The following FCRL4 variants were observed in gnomAD, a reference collection of about 807,000 sequenced individuals.
FCRL4 encodes the protein Fc receptor like 4.
Under a neutral mutation model 64.1 loss-of-function variants are expected in FCRL4, and 43 were observed. That is an observed-to-expected ratio of 0.67 (90% CI 0.53 to 0.87). The LOEUF is 0.87. FCRL4 is among the 40% of genes least tolerant of loss of function. The pLI is 0.00. For synonymous variants in FCRL4, 253 were observed against 239.8 expected (o/e 1.05, Z -0.51); for missense variants, 656 against 613.5 (o/e 1.07, Z -0.73).
chr1:157,579,258 T>C (rs970439184), intron 8 of FCRL4, among the ~76,000 whole-genome samples: 3 of 152,196 alleles, frequency 2.0e-5, no homozygotes, highest in African/African-American at 7.2e-5. Flanking sequence ...TAGTCCTAGA[T>C]ACTTGGGAGG....
Position 157,575,742 on chromosome 1 carries a change from AAG to A in FCRL4, c.1430-14_1430-13del. On this transcript the variant is annotated splice_polypyrimidine_tract_variant and intron_variant, in intron 10 of 11. Coordinates refer to ENST00000271532, the MANE Select transcript of FCRL4 (RefSeq NM_031282.3). ...CCTGGAGGTATTAGCTGTGGACAGAAAGAGAATCACTGGACTATGGGCATAAT... is the reference window on the plus strand; with the variant it reads ...CCTGGAGGTATTAGCTGTGGACAGAAAGAATCACTGGACTATGGGCATAAT... 1 of 1,613,506 alleles carries A rather than the reference AAG, an allele frequency of 6.2e-7. No homozygotes were observed. The highest frequency in any genetic ancestry group is 8.5e-7 in the Non-Finnish European group (1 of 1,179,570).
intron 3 of FCRL4, among the ~76,000 whole-genome samples, chr1:157,588,575 G>T (rs1378971711): frequency 6.6e-6 from 1 of 152,146 alleles, no homozygotes; most frequent in African/African-American, 2.4e-5. Context: ...CAGTGGATGT[G>T]GTCCTTTATG....
intron 8 of FCRL4, among the ~76,000 whole-genome samples, chr1:157,579,711 CAT>C (rs1652515898): frequency 1.8e-5 from 1 of 54,356 alleles, no homozygotes; most frequent in Non-Finnish European, 3.3e-5. Flanking sequence ...TACATACATA[CAT>C]ACATACATAC....
At chr1:157,585,560 A>G (rs1652672646) in intron 6 of FCRL4, among the ~76,000 whole-genome samples, 1 of 151,882 alleles carries the variant, frequency 6.6e-6, no homozygotes, top group Non-Finnish European at 1.5e-5. Flanking sequence ...CGATGGAGGA[A>G]GAGATGTATA....
chr1:157,595,204 C>T (rs1652933912), intron 2 of FCRL4, among the ~76,000 whole-genome samples: 1 of 152,196 alleles, frequency 6.6e-6, no homozygotes, highest in Admixed American at 6.5e-5. Flanking sequence ...CCAGCCTCTG[C>T]AGACACTTTT....
chr1:157,588,303 C>T (rs1013126331), intron 3 of FCRL4, among the ~76,000 whole-genome samples, 184 bp from the exon 4 acceptor site: 6 of 152,176 alleles, frequency 3.9e-5, no homozygotes, highest in African/African-American at 1.4e-4. Context: ...AAATAAATCC[C>T]AGACTCAACT....
In FCRL4 at chr1:157,575,283, C is replaced by G. The variant is rs1356799152; in HGVS notation, c.*241G>C. ...CATTAGGTCAGGCCCACAGCAAATACTACAGGGTCTTCTCTTAACTGTGGA... is the reference window on the plus strand; with the variant it reads ...CATTAGGTCAGGCCCACAGCAAATAGTACAGGGTCTTCTCTTAACTGTGGA... On this transcript the variant is annotated 3_prime_UTR_variant, in exon 12 of 12. Transcript: ENST00000271532. 1 of 540,296 alleles carries G rather than the reference C, an allele frequency of 1.9e-6. No individual in the cohort carries two copies. The highest frequency in any genetic ancestry group is 2.1e-5 in the South Asian group (1 of 48,120). 33.5% of individuals were successfully genotyped at this position (540,296 alleles called of 1,614,324 possible).
chr1:157,594,737 A>C (rs1392815413), intron 2 of FCRL4, among the ~76,000 whole-genome samples: 1 of 152,228 alleles, frequency 6.6e-6, no homozygotes, highest in Non-Finnish European at 1.5e-5. Context: ...TGCCCAGAAG[A>C]ACTTCCCAAA....
At position 157,575,041 on chromosome 1, in the gene FCRL4, T is replaced by G; in HGVS notation, c.*483A>C. 1 of 239,942 alleles carries G rather than the reference T, an allele frequency of 4.2e-6. No individual in the cohort carries two copies. Among genetic ancestry groups the G allele is most frequent in the Admixed American group, 5.0e-5 (1 of 19,960 alleles). The allele number at this position is 239,942 out of a possible 1,614,324, so 14.9% of individuals were successfully genotyped here. A position where few individuals can be genotyped will look rare whatever the true frequency, so the allele number is the denominator to read the frequency against. On this transcript the variant is annotated 3_prime_UTR_variant, in exon 12 of 12. Coordinates refer to ENST00000271532, the MANE Select transcript of FCRL4 (RefSeq NM_031282.3). ...AGGCAGAAGTGAAGGGGCTTTTCAT[T>G]GTTTGCACAGTGCCTGTGCAGCCAC... is the stretch of plus-strand genomic sequence containing the variant.
rs1652698021 is a variant in FCRL4 at position 157,586,454 on chromosome 1, C to G, written c.849G>C (p.Arg283=). The change falls in exon 6 of 12, where the codon CGG becomes CGC. Residue 283 remains arginine (R), a splice_region_variant and synonymous_variant. Coordinates refer to ENST00000271532, the MANE Select transcript of FCRL4 (RefSeq NM_031282.3). ...HSPSLQIHVQ[R]IPVSGVLLET... The stretch of plus-strand genomic sequence containing the variant: ...CCAGGAGCACCCCAGACACAGGGAT[C>G]CCTATGTGAAAATGAGACCACAGGT... 3.1e-6 allele frequency: 5 copies of G among 1,602,716 alleles called. No homozygotes were observed. The highest frequency in any genetic ancestry group is 1.7e-4 in the Middle Eastern group (1 of 5,998).
chr1:157,590,253 G>T (rs1389298105), intron 2 of FCRL4, among the ~76,000 whole-genome samples: 1 of 152,056 alleles, frequency 6.6e-6, no homozygotes, highest in Non-Finnish European at 1.5e-5. Context: ...GAACAGAAGG[G>T]TTTTAGAGTT....
At chr1:157,577,253 A>G (rs1652437509) in intron 10 of FCRL4, among the ~76,000 whole-genome samples, 1 of 152,172 alleles carries the variant, frequency 6.6e-6, no homozygotes, top group African/African-American at 2.4e-5. Flanking sequence ...TTCTGAAGTG[A>G]TTTTGAAGTG....
chr1:157,578,685 A>T, intron 9 of FCRL4, 85 bp downstream of exon 9: 1 of 1,441,128 alleles, frequency 6.9e-7, no homozygotes, highest in East Asian at 2.3e-5. Flanking sequence ...CACTTTAGGG[A>T]GTCCAGGGGC....
Position 157,596,346 on chromosome 1 carries a change from G to T in FCRL4, c.34C>A (p.Pro12Thr). ...GACTTACCAGATTGTCCACAGACTG[G>T]AGCTGAAAGAGAGTAAAGAGCCAGC... ...LLWASLLAFA[P>T]VCGQSAAAHK... Residue 12 changes from proline (P) to threonine (T), a missense_variant and splice_region_variant, in exon 2 of 12, where the codon CCA becomes ACA. Pro to Thr is a conservative substitution (Grantham distance 38). Transcript: ENST00000271532. The T allele has an allele frequency of 6.2e-7, 1 of 1,613,938 alleles. No individual in the cohort carries two copies. Among genetic ancestry groups the T allele is most frequent in the Non-Finnish European group, 8.5e-7 (1 of 1,179,922 alleles).
intron 3 of FCRL4, 80 bp downstream of exon 3, chr1:157,589,124 C>T (rs1052323887): frequency 6.8e-6 from 10 of 1,480,920 alleles, no homozygotes; most frequent in African/African-American, 1.4e-5. Context: ...AATGAAAGAC[C>T]CCAGTTCGTG....
At chr1:157,580,563 T>A (rs1053435424) in intron 7 of FCRL4, 1 of 563,256 alleles carries the variant, frequency 1.8e-6, no homozygotes, top group African/African-American at 1.9e-5. Flanking sequence ...AAGTATGTAA[T>A]TGTCTGAGAA....
At position 157,587,410 on chromosome 1, in the gene FCRL4, G is replaced by C; in HGVS notation, c.713C>G (p.Ser238Ter). 6.2e-7 allele frequency: 1 copy of C among 1,614,236 alleles called. No homozygotes were observed. The change falls in exon 5 of 12, where the codon TCA becomes TGA. Residue 238 changes from serine to a stop codon, truncating the protein, a stop_gained. Coordinates refer to ENST00000271532, the MANE Select transcript of FCRL4 (RefSeq NM_031282.3). LOFTEE classifies it high-confidence loss of function. Reference sequence around the variant, plus strand: ...GAGTTCCGGGTACGTGCTCCAGTCTGACAGGATGACCTCGCCATCTCTGAA... The same window carrying C: ...GAGTTCCGGGTACGTGCTCCAGTCTCACAGGATGACCTCGCCATCTCTGAA... ...NFFRDGEVILSDWSTYPELQL... is the reference protein window; with the variant it reads ...NFFRDGEVIL
chr1:157,585,394 CCTTCTT>C, intron 6 of FCRL4, among the ~76,000 whole-genome samples: 1 of 76,088 alleles, frequency 1.3e-5, no homozygotes, highest in South Asian at 4.1e-4. Flanking sequence ...TTCTTTCTTT[CCTTCTT>C]TCTTTCTTTC....
intron 2 of FCRL4, among the ~76,000 whole-genome samples, chr1:157,590,049 A>C (rs929119360): frequency 7.9e-5 from 12 of 152,230 alleles, no homozygotes; most frequent in Non-Finnish European, 1.8e-4. Flanking sequence ...CATACCAGGA[A>C]GAGGAAGACT....
Sources: gnomAD v4.1 joint callset for allele counts (sites outside exome capture counted in the v4.1 genomes callset) on GRCh38, gnomAD v4.1.1 for gene constraint, MANE v1.5 for transcripts, NCBI Gene and HGNC (gene_info 2026-07-23, HGNC 2026-07-21) for gene names.